The following KCNQ3 variants were observed in gnomAD, a reference collection of about 807,000 sequenced individuals.
The protein encoded by KCNQ3 is potassium voltage-gated channel subfamily Q member 3.
A neutral mutation model predicts 92.5 loss-of-function variants in KCNQ3; 30 were observed. The observed-to-expected ratio is 0.32, with a 90% CI of 0.24 to 0.44. KCNQ3 has a LOEUF of 0.44. Ranked by LOEUF, KCNQ3 falls within the 20% of genes least tolerant of loss-of-function variation. The pLI is 1.00. For synonymous variants in KCNQ3, 450 were observed against 468.8 expected (o/e 0.96, Z 0.52); for missense variants, 913 against 1,140.3 (o/e 0.80, Z 2.87).
At chr8:132,276,987 C>T (rs144156329) in intron 1 of KCNQ3, among the ~76,000 whole-genome samples, 11 of 151,922 alleles carry the variant, frequency 7.2e-5, no homozygotes, top group African/African-American at 2.7e-4. Flanking sequence ...AATGAGCCCA[C>T]CACATCAAAG....
intron 1 of KCNQ3, among the ~76,000 whole-genome samples, chr8:132,301,202 A>C (rs1445685815): frequency 6.6e-6 from 1 of 152,130 alleles, no homozygotes; most frequent in Non-Finnish European, 1.5e-5. Context: ...TTTCTGATGC[A>C]TAAACTCTGA....
rs75653567 is a variant in KCNQ3 at position 132,427,952 on chromosome 8, A to G, written c.386+52195T>C. Among the ~76,000 whole-genome samples the G allele has an allele frequency of 7.6e-4, 115 of 152,300 alleles. 1 individual carries two copies. The East Asian group carries it at 0.019, about 25-fold the overall frequency. ...CGGCAATGCTTCCTAGCCACGATCT[A>G]TCTAGCAATCATACCCAAGTCTTAT... On this transcript the variant is annotated intron_variant, in intron 1 of 14. Transcript: ENST00000388996.
intron 1 of KCNQ3, among the ~76,000 whole-genome samples, chr8:132,315,560 G>GT (rs964215488): frequency 1.3e-5 from 2 of 152,142 alleles, no homozygotes; most frequent in African/African-American, 4.8e-5. Flanking sequence ...TAAAAGAAAA[G>GT]TTTAAGTGTT....
chr8:132,393,859 T>C (rs117152227), intron 1 of KCNQ3, among the ~76,000 whole-genome samples: 1,771 of 152,282 alleles, frequency 0.012, 16 homozygotes, highest in Non-Finnish European at 0.02. Flanking sequence ...CTCCCAGTCT[T>C]GTTGCATGCT....
chr8:132,316,014 A>G (rs147803615), intron 1 of KCNQ3, among the ~76,000 whole-genome samples: 1 of 152,356 alleles, frequency 6.6e-6, no homozygotes, highest in Non-Finnish European at 1.5e-5. Context: ...ACTTTTATAG[A>G]AACATTTTTA....
At chr8:132,170,985 C>T (rs757799753) in intron 7 of KCNQ3, among the ~76,000 whole-genome samples, 2 of 152,014 alleles carry the variant, frequency 1.3e-5, no homozygotes, top group Non-Finnish European at 2.9e-5. Flanking sequence ...CACCACTGCA[C>T]TCCAACCTGG....
intron 3 of KCNQ3, among the ~76,000 whole-genome samples, chr8:132,183,927 T>G (rs1156543573): frequency 6.6e-6 from 1 of 152,142 alleles, no homozygotes; most frequent in Admixed American, 6.5e-5. Context: ...GTGCTACTAC[T>G]CCAGGGACTG....
intron 1 of KCNQ3, among the ~76,000 whole-genome samples, chr8:132,305,345 T>C (rs1278723245): frequency 1.3e-5 from 2 of 152,188 alleles, no homozygotes; most frequent in Admixed American, 1.3e-4. Context: ...CTGACTGTCC[T>C]AGAAAATTGC....
At chr8:132,249,174 G>C (rs552934285) in intron 1 of KCNQ3, among the ~76,000 whole-genome samples, 2 of 152,194 alleles carry the variant, frequency 1.3e-5, no homozygotes, top group Non-Finnish European at 2.9e-5. Flanking sequence ...ATTGCAAAGA[G>C]TGAAAGAACA....
intron 1 of KCNQ3, among the ~76,000 whole-genome samples, chr8:132,409,119 G>A (rs1369999132): frequency 6.6e-6 from 1 of 152,060 alleles, no homozygotes; most frequent in African/African-American, 2.4e-5. Flanking sequence ...GACACCTAGG[G>A]GTGACAAATA....
chr8:132,121,423 C>G lies in KCNQ3; in HGVS notation c.*7839G>C, dbSNP rs1229603188. 6.6e-6 allele frequency: 1 copy of G among 152,190 alleles called. No individual in the cohort carries two copies. Among genetic ancestry groups the G allele is most frequent in the Non-Finnish European group, 1.5e-5 (1 of 68,042 alleles). 9.4% of individuals were successfully genotyped at this position (152,190 alleles called of 1,614,324 possible). A position where few individuals can be genotyped will look rare whatever the true frequency, so the allele number is the denominator to read the frequency against. The stretch of plus-strand genomic sequence containing the variant: ...ATGGCACAGAGCCGACTTCACCTCT[C>G]CAACAGCAAATCTCTGATCCTTGGC... On this transcript the variant is annotated 3_prime_UTR_variant, in exon 15 of 15. Coordinates refer to ENST00000388996, the MANE Select transcript of KCNQ3 (RefSeq NM_004519.4).
chr8:132,451,946 T>TC (rs1821829240), intron 1 of KCNQ3, among the ~76,000 whole-genome samples: 1 of 152,150 alleles, frequency 6.6e-6, no homozygotes, highest in African/African-American at 2.4e-5. Context: ...CAAATGAAGT[T>TC]CTTTTTTTTG....
At chr8:132,326,130 CAA>C (rs1242573403) in intron 1 of KCNQ3, among the ~76,000 whole-genome samples, 7 of 151,970 alleles carry the variant, frequency 4.6e-5, no homozygotes, top group African/African-American at 1.7e-4. Flanking sequence ...AACCCAAAGA[CAA>C]TGTGGTGAAG....
chr8:132,154,996 T>A (rs1205971468), intron 9 of KCNQ3, among the ~76,000 whole-genome samples: 3 of 152,178 alleles, frequency 2.0e-5, no homozygotes, highest in Non-Finnish European at 2.9e-5. Flanking sequence ...TCAGTGTAAA[T>A]CTACTTAGCC....
intron 1 of KCNQ3, among the ~76,000 whole-genome samples, chr8:132,196,081 C>G (rs989800349): frequency 1.3e-5 from 2 of 152,114 alleles, no homozygotes; most frequent in Non-Finnish European, 2.9e-5. Flanking sequence ...CATTCTTTCT[C>G]CCTCCAGTCA....
chr8:132,317,408 T>C (rs1478060643), intron 1 of KCNQ3, among the ~76,000 whole-genome samples: 2 of 152,242 alleles, frequency 1.3e-5, no homozygotes, highest in African/African-American at 4.8e-5. Flanking sequence ...GCAAATTCAC[T>C]TTTAACTCTT....
chr8:132,337,681 G>A lies in KCNQ3; in HGVS notation c.386+142466C>T, dbSNP rs568914276. On this transcript the variant is annotated intron_variant, in intron 1 of 14. Transcript: ENST00000388996. ...ACTCCTCAGACCCCCCAGACCTGCC[G>A]ACCTTGCAGTTTGGAAATCACCATG... Among the ~76,000 whole-genome samples, 24 of 152,138 alleles carry A rather than the reference G, an allele frequency of 1.6e-4. No individual in the cohort carries two copies. In the South Asian group the frequency reaches 1.7e-3, roughly 11 times the overall value.
intron 1 of KCNQ3, among the ~76,000 whole-genome samples, chr8:132,296,874 G>A (rs1232332183): frequency 2.6e-5 from 4 of 151,916 alleles, no homozygotes; most frequent in African/African-American, 9.7e-5. Flanking sequence ...CTTTATAGCA[G>A]CATGATTTAT....
intron 1 of KCNQ3, among the ~76,000 whole-genome samples, chr8:132,200,196 T>C (rs1456929825): frequency 6.6e-6 from 1 of 152,212 alleles, no homozygotes; most frequent in Non-Finnish European, 1.5e-5. Flanking sequence ...TCCCTATCCA[T>C]CTATAAATCC....
Sources: gnomAD v4.1 joint callset for allele counts (sites outside exome capture counted in the v4.1 genomes callset) on GRCh38, gnomAD v4.1.1 for gene constraint, MANE v1.5 for transcripts, NCBI Gene and HGNC (gene_info 2026-07-23, HGNC 2026-07-21) for gene names.